The following TTC1 variants were observed in gnomAD, a reference collection of about 807,000 sequenced individuals.
TTC1 encodes tetratricopeptide repeat domain 1, also known as tetratricopeptide repeat protein 1.
TTC1 carries 31 observed loss-of-function variants against 37.6 expected under a neutral mutation model. The observed-to-expected ratio is 0.82, with a 90% confidence interval of 0.62 to 1.11. The LOEUF is 1.11. TTC1 is among the 50% of genes most tolerant of loss of function. The pLI, the probability that TTC1 is intolerant of heterozygous loss-of-function variation, is 0.00. For missense variants in TTC1, 351 were observed against 339.0 expected (o/e 1.04, Z -0.28); for synonymous variants, 127 against 122.4 (o/e 1.04, Z -0.25).
intron 4 of TTC1, among the ~76,000 whole-genome samples, chr5:160,039,525 C>T (rs1161479845): frequency 1.3e-5 from 2 of 151,564 alleles, no homozygotes; most frequent in African/African-American, 4.9e-5. Flanking sequence ...GCAGACAACA[C>T]CTGGGTCCTC....
chr5:160,037,360 C>T (rs1384113136), intron 4 of TTC1, among the ~76,000 whole-genome samples: 1 of 152,158 alleles, frequency 6.6e-6, no homozygotes, highest in Non-Finnish European at 1.5e-5. Context: ...CCTAGTATAA[C>T]AAGGTGAGTA....
rs34967107 is a variant in TTC1 at position 160,063,966 on chromosome 5, CT to C, written c.746-946del. Among the ~76,000 whole-genome samples, 445 of 106,648 alleles carry C rather than the reference CT, an allele frequency of 4.2e-3. 3 individuals carry two copies. Among genetic ancestry groups the C allele is most frequent in the African/African-American group, 0.014 (373 of 26,836 alleles). 70.0% of individuals were successfully genotyped at this position (106,648 alleles called of 152,430 possible). A position where few individuals can be genotyped will look rare whatever the true frequency, so the allele number is the denominator to read the frequency against. ...AAGAACCGCTGGCTATAGACCATGACTTTTTTTTTTTTTTTTTTTTGAGACG... is the reference window on the plus strand; with the variant it reads ...AAGAACCGCTGGCTATAGACCATGACTTTTTTTTTTTTTTTTTTTGAGACG... On this transcript the variant is annotated intron_variant, in intron 7 of 7. Transcript: ENST00000231238.
intron 5 of TTC1, among the ~76,000 whole-genome samples, chr5:160,045,520 A>ACACACACACACACACT (rs1202139318): frequency 3.6e-5 from 2 of 54,904 alleles, no homozygotes; most frequent in Non-Finnish European, 3.3e-5. Context: ...ACACATACAC[A>ACACACACACACACACT]CTCTCTCTCT....
intron 5 of TTC1, among the ~76,000 whole-genome samples, chr5:160,044,065 T>G (rs112997675): frequency 6.6e-6 from 1 of 152,160 alleles, no homozygotes; most frequent in African/African-American, 2.4e-5. Context: ...ACATAATCAC[T>G]TTTTCTTGCG....
In TTC1 at chr5:160,057,910, G is replaced by A. The variant is rs1757585404; in HGVS notation, c.745+6727G>A. Among the ~76,000 whole-genome samples, 1 of 152,120 alleles carries A rather than the reference G, an allele frequency of 6.6e-6. No individual in the cohort carries two copies. The highest frequency in any genetic ancestry group is 2.4e-5 in the African/African-American group (1 of 41,398). On this transcript the variant is annotated intron_variant, in intron 7 of 7. Coordinates refer to ENST00000231238, the MANE Select transcript of TTC1 (RefSeq NM_003314.3). The surrounding 1 kb of genome is among the most constrained non-coding windows in gnomAD (Gnocchi z 4.4). ...AGCCTCCCAAGTAGCTGGGATTACA[G>A]GTGTATGCCACCACACCCAGCTAAT...
At chr5:160,038,016 T>G (rs75746018) in intron 4 of TTC1, among the ~76,000 whole-genome samples, 3,164 of 152,192 alleles carry the variant, frequency 0.021, 40 homozygotes, top group Non-Finnish European at 0.026. Flanking sequence ...TGTTGTTGTT[T>G]TTTTTAAAGG....
chr5:160,047,289 A>G (rs1757278421), intron 5 of TTC1, among the ~76,000 whole-genome samples: 1 of 152,116 alleles, frequency 6.6e-6, no homozygotes, highest in Non-Finnish European at 1.5e-5. Context: ...AGTTTTTTCC[A>G]TTCTAATAAA....
intron 1 of TTC1, among the ~76,000 whole-genome samples, chr5:160,010,000 G>A (rs190191449): frequency 6.6e-6 from 1 of 152,196 alleles, no homozygotes; most frequent in East Asian, 1.9e-4. Context: ...CCTTTTTCTT[G>A]GCACTGTTTT....
At chr5:160,029,601 T>C (rs1756871142) in intron 2 of TTC1, among the ~76,000 whole-genome samples, 1 of 151,868 alleles carries the variant, frequency 6.6e-6, no homozygotes, top group Admixed American at 6.6e-5. Context: ...TGAGCCATGA[T>C]CTCTTTAGCC....
intron 7 of TTC1, among the ~76,000 whole-genome samples, chr5:160,054,315 T>C (rs1757483840): frequency 6.6e-6 from 1 of 152,196 alleles, no homozygotes; most frequent in Non-Finnish European, 1.5e-5. Flanking sequence ...TTTTCTTAAA[T>C]AGCTGGGAAA....
chr5:160,017,038 C>G (rs1441294191), intron 2 of TTC1, among the ~76,000 whole-genome samples: 1 of 152,108 alleles, frequency 6.6e-6, no homozygotes, highest in East Asian at 1.9e-4. Flanking sequence ...TAAATCTTAA[C>G]TATTTGTGAA....
At chr5:160,031,665 C>G (rs1267240642) in intron 2 of TTC1, among the ~76,000 whole-genome samples, 3 of 151,904 alleles carry the variant, frequency 2.0e-5, no homozygotes, top group Non-Finnish European at 4.4e-5. Flanking sequence ...CATTCTGGAG[C>G]CTTTCGCTTT....
chr5:160,017,196 CATT>C (rs752495884), intron 2 of TTC1, among the ~76,000 whole-genome samples: 5 of 152,290 alleles, frequency 3.3e-5, no homozygotes, highest in South Asian at 4.1e-4. Context: ...GCAATAATAA[CATT>C]ATGATACAAA....
intron 6 of TTC1, 54 bp from the exon 7 acceptor site, chr5:160,051,075 G>C: frequency 2.3e-6 from 3 of 1,308,812 alleles, no homozygotes; most frequent in South Asian, 2.7e-5. Context: ...TAAAGGGAAA[G>C]GTTTTGGTTT....
chr5:160,024,427 A>G (rs751151517), intron 2 of TTC1, among the ~76,000 whole-genome samples: 12 of 152,152 alleles, frequency 7.9e-5, no homozygotes, highest in Non-Finnish European at 1.8e-4. Flanking sequence ...CACATTTTCC[A>G]TGAACATCAT....
intron 2 of TTC1, among the ~76,000 whole-genome samples, chr5:160,025,785 T>C (rs1040855559): frequency 6.6e-6 from 1 of 152,174 alleles, no homozygotes; most frequent in African/African-American, 2.4e-5. Context: ...TTGTTTTATT[T>C]AAAAGATAGG....
chr5:160,023,841 A>G (rs764642057), intron 2 of TTC1: 55 of 1,613,414 alleles, frequency 3.4e-5, no homozygotes, highest in East Asian at 1.1e-4. Context: ...TCAGAGTCAG[A>G]TGACTTCCAA....
At chr5:160,031,235 TG>T (rs1221706825) in intron 2 of TTC1, among the ~76,000 whole-genome samples, 1 of 152,100 alleles carries the variant, frequency 6.6e-6, no homozygotes, top group Non-Finnish European at 1.5e-5. Flanking sequence ...GCACAATCTG[TG>T]GAGAGGGAAG....
chr5:160,009,530 GCT>G (rs1252425797), intron 1 of TTC1, among the ~76,000 whole-genome samples: 4 of 152,162 alleles, frequency 2.6e-5, no homozygotes, highest in African/African-American at 9.7e-5. Flanking sequence ...GGCTGCTGAT[GCT>G]CTGACTCAGC....
Sources: allele counts gnomAD v4.1 joint callset (sites outside exome capture counted in the v4.1 genomes callset), GRCh38; gene constraint gnomAD v4.1.1; non-coding constraint Gnocchi (gnomAD v3.1); transcripts MANE v1.5; gene names NCBI Gene and HGNC (gene_info 2026-07-23, HGNC 2026-07-21).